The following PLCH2 variants were observed in gnomAD, a reference collection of about 807,000 sequenced individuals.
The protein encoded by PLCH2 is phospholipase C eta 2.
In PLCH2, 98 loss-of-function variants were observed where a neutral mutation model predicts 134.7. The ratio of observed to expected loss-of-function variants is 0.73; its 90% CI spans 0.62 to 0.86. The LOEUF (loss-of-function observed/expected upper bound fraction) is 0.86. Ranked by LOEUF, PLCH2 falls within the 40% of genes least tolerant of loss-of-function variation. The pLI is 0.00. For missense variants in PLCH2, 1,994 were observed against 1,986.6 expected (o/e 1.00, Z -0.07); for synonymous variants, 974 against 827.5 (o/e 1.18, Z -3.04).
chr1:2,482,411 T>C (rs1332869511), intron 4 of PLCH2, among the ~76,000 whole-genome samples: 1 of 152,166 alleles, frequency 6.6e-6, no homozygotes, highest in Non-Finnish European at 1.5e-5. Context: ...CTGTCCTGGG[T>C]GCAGTGAGTG....
chr1:2,501,720 G>T (rs982729247), intron 20 of PLCH2: 4 of 202,054 alleles, frequency 2.0e-5, no homozygotes, highest in Admixed American at 1.2e-4. Flanking sequence ...TGCTAGCGCC[G>T]GGGGCTGCGG....
At position 2,476,656 on chromosome 1, in the gene PLCH2, T is replaced by G; in HGVS notation, c.68T>G (p.Leu23Arg). 1 of 1,609,574 alleles carries G rather than the reference T, an allele frequency of 6.2e-7. No individual in the cohort carries two copies. Among genetic ancestry groups the G allele is most frequent in the Non-Finnish European group, 8.5e-7 (1 of 1,178,746 alleles). Residue 23 changes from leucine (L) to arginine (R), a missense_variant, in exon 1 of 22, where the codon CTC (leucine) becomes CGC (arginine). Physicochemically the swap from Leu to Arg is moderately radical, Grantham distance 102. Transcript: ENST00000378486. ...ACGGTGGCCTGGCTGGCGGAGGTAC[T>G]CCTCTGGGTTGGAGGGAGTGTGGTG... Reference protein sequence around the residue: ...KGTVAWLAEVLLWVGGSVVLS... With the variant: ...KGTVAWLAEVRLWVGGSVVLS...
intron 1 of PLCH2, among the ~76,000 whole-genome samples, chr1:2,429,798 C>T (rs1045551883): frequency 1.3e-5 from 2 of 152,146 alleles, no homozygotes; most frequent in Non-Finnish European, 2.9e-5. Context: ...GTGGCTCCTC[C>T]TCGGGGCCGT....
chr1:2,453,468 AG>A (rs976007644), intron 2 of PLCH2, among the ~76,000 whole-genome samples: 51 of 152,154 alleles, frequency 3.4e-4, no homozygotes, highest in African/African-American at 1.2e-3. Context: ...AGCCTGGAGA[AG>A]GGGGCCACTG....
chr1:2,458,355 C>T (rs770144388), intron 2 of PLCH2, among the ~76,000 whole-genome samples: 146 of 152,298 alleles, frequency 9.6e-4, no homozygotes, highest in Non-Finnish European at 6.6e-4. Context: ...TGGAGCAGGG[C>T]ACTAGCAGGG....
intron 2 of PLCH2, among the ~76,000 whole-genome samples, chr1:2,445,154 G>C (rs1639882747): frequency 6.6e-6 from 1 of 152,162 alleles, no homozygotes. Flanking sequence ...CACTGCCCTA[G>C]GGGAGGGTCT....
intron 2 of PLCH2, among the ~76,000 whole-genome samples, chr1:2,440,324 G>A (rs1004604900): frequency 1.3e-5 from 2 of 152,174 alleles, no homozygotes; most frequent in Non-Finnish European, 1.5e-5. Flanking sequence ...CCTGGCTGCC[G>A]GGGTTGCCCC....
rs1453891065 is a variant in PLCH2 at position 2,498,357 on chromosome 1, T to A, written c.2225-166T>A. 2.8e-5 allele frequency: 19 copies of A among 674,310 alleles called. No homozygotes were observed. Among genetic ancestry groups the A allele is most frequent in the Middle Eastern group, 4.2e-4 (1 of 2,406 alleles). The allele number at this position is 674,310 out of a possible 1,614,324, so 41.8% of individuals were successfully genotyped here. ...CAAAGGTGATCCATACTGGGCCAGGTGCACCCCGAGGTGCCCCCCTGGACC... is the reference window on the plus strand; with the variant it reads ...CAAAGGTGATCCATACTGGGCCAGGAGCACCCCGAGGTGCCCCCCTGGACC... On this transcript the variant is annotated intron_variant, in intron 16 of 21. Transcript: ENST00000378486. This position sits in a 1 kb window ranked among gnomAD's most constrained non-coding sequence, Gnocchi z 5.4.
At chr1:2,416,751 C>G in the PLCH2 span, among the ~76,000 whole-genome samples, 1 of 152,176 alleles carries the variant, frequency 6.6e-6, no homozygotes, top group Non-Finnish European at 1.5e-5. Context: ...GAGGTTAGGA[C>G]AGGGGTGCAG....
chr1:2,491,156 G>A (rs1236362098), intron 10 of PLCH2, 36 bp from the exon 11 acceptor site: 3 of 1,597,884 alleles, frequency 1.9e-6, no homozygotes, highest in African/African-American at 1.3e-5. Flanking sequence ...CAGGGCTCGG[G>A]ACAGATGCCA....
rs1365504361 is a variant in PLCH2, at chr1:2,496,906, T to C, written c.2012T>C (p.Leu671Pro). The stretch of plus-strand genomic sequence containing the variant: ...CTGCAGCAGAAGCCGGCGCAGTACC[T>C]ACGCTTCAACCAGCAGCAGCTCTCC... ...QILQQKPAQYLRFNQQQLSRI... is the reference protein window; with the variant it reads ...QILQQKPAQYPRFNQQQLSRI... Residue 671 changes from leucine (L) to proline (P), a missense_variant, in exon 15 of 22, where the codon CTA (leucine) becomes CCA (proline). Transcript: ENST00000378486. 6.8e-6 allele frequency: 11 copies of C among 1,613,128 alleles called. No homozygotes were observed. The highest frequency in any genetic ancestry group is 9.3e-6 in the Non-Finnish European group (11 of 1,179,834).
chr1:2,503,224 G>C, intron 21 of PLCH2: 2 of 567,464 alleles, frequency 3.5e-6, no homozygotes, highest in Non-Finnish European at 6.3e-6. Flanking sequence ...GGCCCCTCCG[G>C]CTGGGCGCTT....
At chr1:2,497,765 G>A (rs1037549777) in intron 16 of PLCH2, 156 bp downstream of exon 16, 14 of 561,996 alleles carry the variant, frequency 2.5e-5, no homozygotes, top group Non-Finnish European at 3.5e-5. Flanking sequence ...GAAGCTCCCA[G>A]GATGCTGGGG....
chr1:2,426,988 G>A (rs867426506), intron 1 of PLCH2, among the ~76,000 whole-genome samples: 1 of 152,344 alleles, frequency 6.6e-6, no homozygotes, highest in Admixed American at 6.5e-5. Flanking sequence ...AGGACTGTGG[G>A]CAGCCAGTGG....
At chr1:2,462,724 G>A (rs113723369), upstream of PLCH2, among the ~76,000 whole-genome samples, 20 of 152,154 alleles carry the variant, frequency 1.3e-4, no homozygotes, top group African/African-American at 4.8e-4. Context: ...TGGGGGCTGA[G>A]GCAGTAGGGG....
intron 10 of PLCH2, 48 bp downstream of exon 10, chr1:2,489,915 C>T (rs1181794110): frequency 7.7e-7 from 1 of 1,296,912 alleles, no homozygotes; most frequent in Non-Finnish European, 1.1e-6. Context: ...CTGCAGTTCC[C>T]AAGAACAGCT....
At chr1:2,472,586 G>A (rs1641377906), upstream of PLCH2, among the ~76,000 whole-genome samples, 1 of 152,214 alleles carries the variant, frequency 6.6e-6, no homozygotes, top group Admixed American at 6.5e-5. Context: ...GGGTGGGTAG[G>A]CTGGCCTGGG....
At position 2,480,264 on chromosome 1, in the gene PLCH2, C is replaced by T. The variant is rs1287309759; in HGVS notation, c.597C>T (p.His199=). The T allele has an allele frequency of 6.2e-7, 1 of 1,612,744 alleles. No individual in the cohort carries two copies. The highest frequency in any genetic ancestry group is 8.5e-7 in the Non-Finnish European group (1 of 1,179,814). ...TTGGCGAGGTCCTGCAGCTGCTGCA[C>T]AAGCTCAACGTGAACCTGCCCCGGC... The part of the protein sequence containing the change: ...LSIGEVLQLL[H]KLNVNLPRQR... The change falls in exon 4 of 22, where the codon CAC becomes CAT. Residue 199 remains histidine, a synonymous_variant. Transcript: ENST00000378486.
At chr1:2,467,514 C>T (rs1287683029) in exon 1 of PLCH2, 1 of 397,612 alleles carries the variant, frequency 2.5e-6, no homozygotes, top group Admixed American at 4.4e-5. Flanking sequence ...GGGCTCTGCG[C>T]GCGGGGTGCC....
Sources: gnomAD v4.1 joint callset for allele counts (sites outside exome capture counted in the v4.1 genomes callset) on GRCh38, gnomAD v4.1.1 for gene constraint, Gnocchi (gnomAD v3.1) non-coding constraint, MANE v1.5 for transcripts, NCBI Gene and HGNC (gene_info 2026-07-23, HGNC 2026-07-21) for gene names.